The following ADAM8 variants were observed in gnomAD, a reference collection of about 807,000 sequenced individuals.
ADAM8 encodes disintegrin and metalloproteinase domain-containing protein 8.
A neutral mutation model predicts 102.4 loss-of-function variants in ADAM8; 104 were observed. The ratio of observed to expected loss-of-function variants is 1.02; its 90% confidence interval spans 0.87 to 1.20. ADAM8 has a LOEUF of 1.20. Among genes scored for constraint, ADAM8 ranks in the 50% most tolerant of loss-of-function variants. The probability of loss-of-function intolerance (pLI) is 0.00; values close to 1 mark genes in which losing one functional copy is unlikely to be tolerated. For synonymous variants in ADAM8, 517 were observed against 485.2 expected, an observed-to-expected ratio of 1.07 and a Z score of -0.86; for missense variants, 1,132 against 1,159.0, an observed-to-expected ratio of 0.98 and a Z score of 0.34.
intron 17 of ADAM8, 87 bp downstream of exon 17, chr10:133,269,810 C>T: frequency 2.1e-6 from 3 of 1,463,248 alleles, no homozygotes; most frequent in South Asian, 2.3e-5. Context: ...CAGCCTCAGG[C>T]TCCCGTGTCC....
chr10:133,276,300 G>A (rs187133295), intron 1 of ADAM8, among the ~76,000 whole-genome samples: 1 of 152,270 alleles, frequency 6.6e-6, no homozygotes, highest in Admixed American at 6.5e-5. Flanking sequence ...TCCAGGAGCA[G>A]GGGTGGGATC....
At chr10:133,264,645 C>T (rs1318001333) in intron 21 of ADAM8, among the ~76,000 whole-genome samples, 2 of 152,122 alleles carry the variant, frequency 1.3e-5, no homozygotes, top group Non-Finnish European at 2.9e-5. Context: ...TCTGCTGCAG[C>T]CTCTGCCCCA....
Position 133,270,900 on chromosome 10 carries a change from G to A in ADAM8, c.1545C>T (p.Cys515=), listed in dbSNP as rs766113298. ...NGACPTLAQQ[C]QAFWGPGGQA... ...CTTCACCTGGCCCCCAGAAGGCCTGGCACTGCTGGGCCAGTGTGGGACAGG... is the reference window on the plus strand; with the variant it reads ...CTTCACCTGGCCCCCAGAAGGCCTGACACTGCTGGGCCAGTGTGGGACAGG... The change falls in exon 14 of 23, where the codon TGC becomes TGT. Residue 515 remains cysteine (C), a synonymous_variant. Transcript: ENST00000445355. 6.2e-7 allele frequency: 1 copy of A among 1,611,700 alleles called. No homozygotes were observed. Among genetic ancestry groups the A allele is most frequent in the Non-Finnish European group, 8.5e-7 (1 of 1,179,144 alleles).
At chr10:133,268,188 T>G in intron 19 of ADAM8, 70 bp from the exon 20 acceptor site, 3 of 1,215,774 alleles carry the variant, frequency 2.5e-6, no homozygotes, top group Non-Finnish European at 3.1e-6. Context: ...CCCGAGTCTC[T>G]CCCTCCCAGC....
Position 133,274,170 on chromosome 10 carries a change from C to A in ADAM8, c.216G>T (p.Leu72=). The change falls in exon 3 of 23, where the codon CTG becomes CTT. Residue 72 remains leucine, a synonymous_variant. Coordinates refer to ENST00000445355, the MANE Select transcript of ADAM8 (RefSeq NM_001109.5). ...GATGHNFTLH[L]RKNRDLLGSG... is the part of the protein sequence containing the mutation. Reference sequence around the variant, plus strand: ...CGAGACCCACTCACCTGTTCTTCCGCAGGTGGAGGGTGAAGTTGTGCCCTG... The same window carrying A: ...CGAGACCCACTCACCTGTTCTTCCGAAGGTGGAGGGTGAAGTTGTGCCCTG... The A allele has an allele frequency of 6.3e-7, 1 of 1,588,116 alleles. No individual in the cohort carries two copies. Among genetic ancestry groups the A allele is most frequent in the Non-Finnish European group, 8.6e-7 (1 of 1,166,512 alleles).
intron 18 of ADAM8, chr10:133,269,171 A>G (rs1846432642): frequency 1.0e-6 from 1 of 984,242 alleles, no homozygotes; most frequent in South Asian, 4.7e-5. Flanking sequence ...CGGGCCGAGG[A>G]GGGGCTGGAA....
At position 133,275,563 on chromosome 10, in the gene ADAM8, G is replaced by T; in HGVS notation, c.71C>A (p.Ala24Asp). The T allele has an allele frequency of 1.3e-6, 2 of 1,493,856 alleles. No individual in the cohort carries two copies. Among genetic ancestry groups the T allele is most frequent in the Non-Finnish European group, 1.8e-6 (2 of 1,124,910 alleles). 92.5% of individuals were successfully genotyped at this position (1,493,856 alleles called of 1,614,324 possible). The change falls in exon 2 of 23, where the codon GCC (alanine) becomes GAC (aspartate). Residue 24 changes from alanine (A) to aspartate (D), a missense_variant. Physicochemically the swap from Ala to Asp is moderately radical, Grantham distance 126. Transcript: ENST00000445355. Reference sequence around the variant, plus strand: ...CACGACCTCATACTGCTCCATGAGGGCCCAGGGCCGGCTGGGGGCAATCGC... The same window carrying T: ...CACGACCTCATACTGCTCCATGAGGTCCCAGGGCCGGCTGGGGGCAATCGC... ...LPAIAPSRPW[A>D]LMEQYEVVLP...
intron 13 of ADAM8, 28 bp from the exon 14 acceptor site, chr10:133,271,098 G>C (rs747589598): frequency 6.2e-7 from 1 of 1,601,020 alleles, no homozygotes; most frequent in South Asian, 1.1e-5. Flanking sequence ...AGCTCACCAT[G>C]GGGACAGGTC....
chr10:133,263,566 G>C, intron 22 of ADAM8, 122 bp downstream of exon 22: 2 of 499,600 alleles, frequency 4.0e-6, no homozygotes, highest in Non-Finnish European at 5.5e-6. Flanking sequence ...AGTCACCCAA[G>C]TTTATCCACA....
Position 133,269,457 on chromosome 10 carries a change from C to G in ADAM8, c.1936G>C (p.Glu646Gln). Reference protein sequence around the residue: ...APPHCAKLLTEVHAASGSLPV... With the variant: ...APPHCAKLLTQVHAASGSLPV... Reference sequence around the variant, plus strand: ...CAGGGAGGCCTACCTGCGTGCACCTCAGTCAGCAGCTTCGCGCAGTGGGGC... The same window carrying G: ...CAGGGAGGCCTACCTGCGTGCACCTGAGTCAGCAGCTTCGCGCAGTGGGGC... The change falls in exon 18 of 23, where the codon GAG (glutamate) becomes CAG (glutamine). Residue 646 changes from glutamate to glutamine, a missense_variant. Transcript: ENST00000445355. The G allele has an allele frequency of 6.3e-7, 1 of 1,598,030 alleles. No homozygotes were observed. Among genetic ancestry groups the G allele is most frequent in the Non-Finnish European group, 8.5e-7 (1 of 1,176,776 alleles).
Position 133,271,687 on chromosome 10 carries a change from C to T in ADAM8, c.1125G>A (p.Met375Ile). 1 of 1,578,292 alleles carries T rather than the reference C, an allele frequency of 6.3e-7. No homozygotes were observed. The change falls in exon 12 of 23, where the codon ATG (methionine) becomes ATA (isoleucine). Residue 375 changes from methionine to isoleucine, a missense_variant. Met to Ile is a conservative substitution (Grantham distance 10). Transcript: ENST00000445355. ...GGTAGGCCTGGCTGCAGTCACTGAA[C>T]ATCCTGGGGAAACTGGAGCTGGGGA... ...AGSIGSSFPR[M>I]FSDCSQAYLE...
Position 133,262,893 on chromosome 10 carries a change from G to A in ADAM8, c.*263C>T, listed in dbSNP as rs893482922. 2.0e-5 allele frequency: 12 copies of A among 595,146 alleles called. No homozygotes were observed. Among genetic ancestry groups the A allele is most frequent in the East Asian group, 1.4e-4 (5 of 34,806 alleles). 36.9% of individuals were successfully genotyped at this position (595,146 alleles called of 1,614,324 possible). A position where few individuals can be genotyped will look rare whatever the true frequency, so the allele number is the denominator to read the frequency against. On this transcript the variant is annotated 3_prime_UTR_variant, in exon 23 of 23. Transcript: ENST00000445355. ...CACCTGGAGACACGTACACACACACGCACCCGCAAGCACACAGCTCATCCC... is the reference window on the plus strand; with the variant it reads ...CACCTGGAGACACGTACACACACACACACCCGCAAGCACACAGCTCATCCC...
intron 22 of ADAM8, 81 bp downstream of exon 22, chr10:133,263,607 G>A (rs1050963023): frequency 2.1e-6 from 3 of 1,408,900 alleles, no homozygotes; most frequent in Non-Finnish European, 2.8e-6. Flanking sequence ...ACCCTCCAGG[G>A]CAGTGCCACC....
chr10:133,276,429 G>A (rs916425513), intron 1 of ADAM8, among the ~76,000 whole-genome samples: 1 of 152,238 alleles, frequency 6.6e-6, no homozygotes, highest in Non-Finnish European at 1.5e-5. Context: ...AATAGTGGGG[G>A]TGGGTAGCCC....
chr10:133,269,874 C>T, intron 17 of ADAM8, 23 bp downstream of exon 17: 2 of 1,611,926 alleles, frequency 1.2e-6, no homozygotes, highest in Non-Finnish European at 1.7e-6. Context: ...TGCAGGGGCC[C>T]TGTCCCGAGA....
At chr10:133,271,413 G>C in intron 12 of ADAM8, 115 bp downstream of exon 12, 1 of 1,464,098 alleles carries the variant, frequency 6.8e-7, no homozygotes, top group Non-Finnish European at 9.2e-7. Flanking sequence ...GACCGCTCTG[G>C]ACACCCACAG....
intron 1 of ADAM8, 94 bp downstream of exon 1, chr10:133,276,678 G>A (rs1399842456): frequency 5.5e-6 from 8 of 1,467,356 alleles, no homozygotes; most frequent in East Asian, 2.8e-5. Context: ...TGCGGGGTGC[G>A]AGCAGGCCAG....
At chr10:133,275,616 G>T in intron 1 of ADAM8, 29 bp from the exon 2 acceptor site, 1 of 1,274,332 alleles carries the variant, frequency 7.8e-7, no homozygotes, top group Non-Finnish European at 1.1e-6. Flanking sequence ...GCAGGCATGA[G>T]GGGCCGGGGG....
chr10:133,273,582 C>T, intron 5 of ADAM8, 139 bp from the exon 6 acceptor site: 3 of 1,274,694 alleles, frequency 2.4e-6, no homozygotes, highest in Non-Finnish European at 1.1e-6. Flanking sequence ...CTTCAGGCCC[C>T]AGGGTACAGG....
Sources: allele counts gnomAD v4.1 joint callset (sites outside exome capture counted in the v4.1 genomes callset), GRCh38; gene constraint gnomAD v4.1.1; transcripts MANE v1.5; gene names NCBI Gene and HGNC (gene_info 2026-07-23, HGNC 2026-07-21).